Variants in PCDHA6 observed in about 807,000 individuals in gnomAD.
PCDHA6 encodes protocadherin alpha 6, also known as protocadherin alpha-6.
Under a neutral mutation model 60.3 loss-of-function variants are expected in PCDHA6, and 55 were observed. The observed-to-expected ratio is 0.91, with a 90% CI of 0.73 to 1.14. The LOEUF is 1.14. Ranked by LOEUF, PCDHA6 falls within the 50% of genes most tolerant of loss-of-function variation. The pLI, the probability that PCDHA6 is intolerant of heterozygous loss-of-function variation, is 0.00. For synonymous variants in PCDHA6, 652 were observed against 557.9 expected (o/e 1.17, Z -2.38); for missense variants, 1,327 against 1,256.5 (o/e 1.06, Z -0.85).
rs2150158258 is a variant in PCDHA6, at chr5:140,828,724, C to A, written c.633C>A (p.Phe211Leu). Residue 211 changes from phenylalanine to leucine, a missense_variant, in exon 1 of 4, where the codon TTC (phenylalanine) becomes TTA (leucine). Coordinates refer to ENST00000529310, the MANE Select transcript of PCDHA6 (RefSeq NM_018909.4). ...AGGAAGCTCCTGCACACAACTTATT[C>A]CTGACAGCCACAGATGGGGGCAAAC... is the stretch of plus-strand genomic sequence containing the variant. ...DREEAPAHNL[F>L]LTATDGGKPE... 6 of 1,614,204 alleles carry A rather than the reference C, an allele frequency of 3.7e-6. No homozygotes were observed. The highest frequency in any genetic ancestry group is 5.1e-6 in the Non-Finnish European group (6 of 1,180,044).
intron 1 of PCDHA6, chr5:140,856,002 G>C: frequency 6.5e-7 from 1 of 1,534,758 alleles, no homozygotes; most frequent in South Asian, 1.2e-5. Context: ...TCGTATGTGC[G>C]TTCTAGACCG....
At chr5:140,901,340 T>G (rs1306421981) in intron 1 of PCDHA6, among the ~76,000 whole-genome samples, 1 of 152,206 alleles carries the variant, frequency 6.6e-6, no homozygotes, top group Non-Finnish European at 1.5e-5. Context: ...CGTTTTATAG[T>G]TTGATGTCTT....
intron 1 of PCDHA6, chr5:140,875,653 C>T (rs1554167829): frequency 1.2e-6 from 2 of 1,613,682 alleles, no homozygotes; most frequent in East Asian, 2.2e-5. Context: ...GGAGCTGGTG[C>T]CGCGCCTGTT....
At position 140,862,652 on chromosome 5, in the gene PCDHA6, G is replaced by A. The variant is rs904797822; in HGVS notation, c.2394+32167G>A. ...TGCCACGACTTCACAGTGTCCGCGC[G>A]GGACCGGGACGCGCAGGAGAACGTG... is the stretch of plus-strand genomic sequence containing the variant. On this transcript the variant is annotated intron_variant, in intron 1 of 3. Coordinates refer to ENST00000529310, the MANE Select transcript of PCDHA6 (RefSeq NM_018909.4). The A allele has an allele frequency of 1.4e-4, 76 of 544,114 alleles. 1 individual carries two copies. The highest frequency in any genetic ancestry group is 3.8e-5 in the African/African-American group (2 of 52,208). 33.7% of individuals were successfully genotyped at this position (544,114 alleles called of 1,614,324 possible). A position where few individuals can be genotyped will look rare whatever the true frequency, so the allele number is the denominator to read the frequency against.
At chr5:140,941,313 C>T (rs1585057947) in intron 1 of PCDHA6, among the ~76,000 whole-genome samples, 2 of 104,888 alleles carry the variant, frequency 1.9e-5, no homozygotes, top group Non-Finnish European at 4.0e-5. Context: ...TCTTTTTCTT[C>T]TTTCTCTTTT....
intron 1 of PCDHA6, among the ~76,000 whole-genome samples, chr5:140,837,787 C>T (rs1177845045): frequency 3.3e-5 from 5 of 151,766 alleles, no homozygotes; most frequent in Non-Finnish European, 7.4e-5. Context: ...CAGGATCCTC[C>T]CATCTCAGCC....
At chr5:140,966,865 G>T (rs1554228807) in intron 1 of PCDHA6, 4 of 1,565,172 alleles carry the variant, frequency 2.6e-6, no homozygotes, top group Non-Finnish European at 1.7e-6. Context: ...TGCTGTTGCT[G>T]CTGCTGCTAC....
At chr5:140,987,749 GT>G (rs1554249497) in intron 3 of PCDHA6, among the ~76,000 whole-genome samples, 1 of 152,142 alleles carries the variant, frequency 6.6e-6, no homozygotes, top group African/African-American at 2.4e-5. Context: ...GACCCAGGTT[GT>G]TCTGAGTATT....
chr5:140,889,265 A>G (rs900785254), intron 1 of PCDHA6, among the ~76,000 whole-genome samples: 7 of 151,968 alleles, frequency 4.6e-5, no homozygotes, highest in African/African-American at 2.4e-5. Context: ...AAAAGTTTGT[A>G]TAATCTTTGA....
chr5:140,902,734 C>T (rs1345954248), intron 1 of PCDHA6, among the ~76,000 whole-genome samples: 1 of 151,052 alleles, frequency 6.6e-6, no homozygotes, highest in Non-Finnish European at 1.5e-5. Flanking sequence ...CCCTCCAAGT[C>T]CCCCAAATCC....
In PCDHA6 at chr5:140,836,730, A is replaced by G. The variant is rs2150268726; in HGVS notation, c.2394+6245A>G. 6.2e-6 allele frequency: 10 copies of G among 1,610,112 alleles called. No individual in the cohort carries two copies. In the African/African-American group the frequency reaches 1.1e-4, roughly 17 times the overall value. On this transcript the variant is annotated intron_variant, in intron 1 of 3. Transcript: ENST00000529310. The stretch of plus-strand genomic sequence containing the variant: ...CAGCCTTCCTCAGGGTCCATCCTCT[A>G]CAGACAATGTGAGTCATAAATAATC...
chr5:140,971,642 A>G (rs1586490477), intron 1 of PCDHA6, among the ~76,000 whole-genome samples: 1 of 152,330 alleles, frequency 6.6e-6, no homozygotes, highest in East Asian at 1.9e-4. Flanking sequence ...ATGTGCCTAC[A>G]TTAAAAGTAG....
At chr5:140,877,041 A>C (rs782570873) in intron 1 of PCDHA6, 1 of 1,612,586 alleles carries the variant, frequency 6.2e-7, no homozygotes, top group Non-Finnish European at 8.5e-7. Context: ...TGCAGCCGCT[A>C]GACCACGAGG....
chr5:140,847,536 G>C (rs1162683759), intron 1 of PCDHA6: 1 of 149,444 alleles, frequency 6.7e-6, no homozygotes, highest in Non-Finnish European at 1.5e-5. Context: ...AGAATCTCAA[G>C]CATAGCTTTA....
intron 1 of PCDHA6, among the ~76,000 whole-genome samples, chr5:140,913,757 T>C (rs577091404): frequency 6.6e-6 from 1 of 152,282 alleles, no homozygotes; most frequent in South Asian, 2.1e-4. Context: ...TTGTATCTCA[T>C]AGGTTTTGGC....
Position 141,010,126 on chromosome 5 carries a change from C to G in PCDHA6, c.*189C>G, listed in dbSNP as rs2098416139. ...TTTTGTCGTAAAAGCTTTACTAAGT[C>G]TGGTGTTAACTCTTTCTCTCCACTC... On this transcript the variant is annotated 3_prime_UTR_variant, in exon 4 of 4. Coordinates refer to ENST00000529310, the MANE Select transcript of PCDHA6 (RefSeq NM_018909.4). 1 of 1,602,246 alleles carries G rather than the reference C, an allele frequency of 6.2e-7. No homozygotes were observed. The highest frequency in any genetic ancestry group is 8.5e-7 in the Non-Finnish European group (1 of 1,173,654).
intron 1 of PCDHA6, chr5:140,969,495 C>A: frequency 7.0e-7 from 1 of 1,437,888 alleles, no homozygotes; most frequent in South Asian, 1.5e-5. Flanking sequence ...TATTTCCTCT[C>A]TAGAAAAATA....
intron 1 of PCDHA6, among the ~76,000 whole-genome samples, chr5:140,918,233 T>C (rs1554198474): frequency 6.6e-6 from 1 of 152,210 alleles, no homozygotes; most frequent in South Asian, 2.1e-4. Context: ...TTTTTGTACA[T>C]TGATTTTGTA....
intron 1 of PCDHA6, among the ~76,000 whole-genome samples, chr5:140,922,423 T>C (rs1554200812): frequency 6.6e-6 from 1 of 152,170 alleles, no homozygotes; most frequent in Non-Finnish European, 1.5e-5. Context: ...GTACAGAGGC[T>C]GAGGGCAGAA....
Sources: allele counts gnomAD v4.1 joint callset (sites outside exome capture counted in the v4.1 genomes callset), GRCh38; gene constraint gnomAD v4.1.1; transcripts MANE v1.5; gene names NCBI Gene and HGNC (gene_info 2026-07-23, HGNC 2026-07-21).